The following SP4 variants were observed in gnomAD, a reference collection of about 807,000 sequenced individuals.
SP4 encodes the protein transcription factor Sp4.
A neutral mutation model predicts 72.8 loss-of-function variants in SP4; 19 were observed. The ratio of observed to expected loss-of-function variants is 0.26; its 90% CI spans 0.18 to 0.38. The LOEUF (loss-of-function observed/expected upper bound fraction) is 0.38. Ranked by LOEUF, SP4 falls within the 10% of genes least tolerant of loss-of-function variation. The pLI, the probability that SP4 is intolerant of heterozygous loss-of-function variation, is 1.00. For synonymous variants in SP4, 395 were observed against 333.1 expected (o/e 1.19, Z -2.02); for missense variants, 1,008 against 926.3 (o/e 1.09, Z -1.14).
intron 5 of SP4, among the ~76,000 whole-genome samples, chr7:21,507,246 C>T (rs966788951): frequency 1.8e-4 from 27 of 152,318 alleles, no homozygotes; most frequent in African/African-American, 6.3e-4. Flanking sequence ...AAGCCAGTCT[C>T]TCCCTGTCCC....
chr7:21,453,376 A>G (rs1783661162), intron 3 of SP4, among the ~76,000 whole-genome samples: 1 of 152,248 alleles, frequency 6.6e-6, no homozygotes, highest in Non-Finnish European at 1.5e-5. Context: ...GGTAACAATT[A>G]TCTGTGGATG....
At position 21,477,276 on chromosome 7, in the gene SP4, T is replaced by A. The variant is rs1784529542; in HGVS notation, c.1876T>A (p.Ser626Thr). 3.7e-6 allele frequency: 6 copies of A among 1,613,684 alleles called. No homozygotes were observed. Among genetic ancestry groups the A allele is most frequent in the African/African-American group, 1.3e-5 (1 of 74,944 alleles). Residue 626 changes from serine (S) to threonine (T), a missense_variant, in exon 4 of 6, where the codon TCC (serine) becomes ACC (threonine). Ser to Thr is a moderately conservative substitution (Grantham distance 58, BLOSUM62 1). Around this residue, in one of 3 missense-constraint regions of SP4, gnomAD observed 893 missense variants for 743.3 expected, o/e 1.20. Coordinates refer to ENST00000222584, the MANE Select transcript of SP4 (RefSeq NM_003112.5). ...CAAGAGGCTTCGAAGAGTTGCCTGT[T>A]CCTGTCCTAATTGTAGGGAAGGAGA... Reference protein sequence around the residue: ...PGKRLRRVACSCPNCREGEGR... With the variant: ...PGKRLRRVACTCPNCREGEGR...
intron 3 of SP4, among the ~76,000 whole-genome samples, chr7:21,449,604 G>A (rs959028911): frequency 5.3e-5 from 8 of 152,084 alleles, no homozygotes; most frequent in African/African-American, 1.9e-4. Context: ...TATGTATAAT[G>A]TATGTGTATA....
At chr7:21,452,991 G>A (rs2128399271) in intron 3 of SP4, among the ~76,000 whole-genome samples, 1 of 152,148 alleles carries the variant, frequency 6.6e-6, no homozygotes, top group South Asian at 2.1e-4. Flanking sequence ...CATTGGCCAG[G>A]CTGGTCTTGA....
At chr7:21,475,984 T>C (rs1165690552) in intron 3 of SP4, among the ~76,000 whole-genome samples, 2 of 152,100 alleles carry the variant, frequency 1.3e-5, no homozygotes, top group Non-Finnish European at 2.9e-5. Flanking sequence ...TTATAAGGCA[T>C]TGTAGGCCGG....
chr7:21,450,365 ATTTTAGGGGGC>A (rs1391340426), intron 3 of SP4, among the ~76,000 whole-genome samples: 1 of 152,088 alleles, frequency 6.6e-6, no homozygotes, highest in Non-Finnish European at 1.5e-5. Context: ...TGTTTTTTTA[ATTTTAGGGGGC>A]TTTTTTGGTG....
At chr7:21,500,820 C>A (rs1781844498) in intron 5 of SP4, among the ~76,000 whole-genome samples, 2 of 152,174 alleles carry the variant, frequency 1.3e-5, no homozygotes. Context: ...AATAATATCC[C>A]TATATTAAGC....
chr7:21,465,569 T>C (rs889038992), intron 3 of SP4, among the ~76,000 whole-genome samples: 1 of 152,190 alleles, frequency 6.6e-6, no homozygotes, highest in Non-Finnish European at 1.5e-5. Context: ...GTGCGAGTGA[T>C]TATTGTGTGG....
At chr7:21,478,687 A>G (rs1490900173) in intron 4 of SP4, among the ~76,000 whole-genome samples, 1 of 152,210 alleles carries the variant, frequency 6.6e-6, no homozygotes, top group East Asian at 1.9e-4. Context: ...TCTTTTGCCC[A>G]TTTTAAATTA....
intron 3 of SP4, among the ~76,000 whole-genome samples, chr7:21,442,734 T>G (rs1157759746): frequency 2.0e-5 from 3 of 152,112 alleles, no homozygotes; most frequent in South Asian, 2.1e-4. Context: ...TCAAGTAGTT[T>G]TTTGTTTTGT....
intron 4 of SP4, among the ~76,000 whole-genome samples, chr7:21,480,253 A>G (rs117616717): frequency 6.6e-6 from 1 of 152,270 alleles, no homozygotes; most frequent in East Asian, 1.9e-4. Flanking sequence ...GATTTTGGTA[A>G]TGATAATACT....
At position 21,428,208 on chromosome 7, in the gene SP4, C is replaced by G; in HGVS notation, c.-44C>G. The G allele has an allele frequency of 7.9e-7, 1 of 1,263,632 alleles. No homozygotes were observed. 78.3% of individuals were successfully genotyped at this position (1,263,632 alleles called of 1,614,324 possible). ...GCCTCGCCCCCACCCCCACCCACCTCTATCCCAGTGTCTCCGTCTGAGGGT... is the reference window on the plus strand; with the variant it reads ...GCCTCGCCCCCACCCCCACCCACCTGTATCCCAGTGTCTCCGTCTGAGGGT... On this transcript the variant is annotated 5_prime_UTR_variant, in exon 1 of 6. Transcript: ENST00000222584.
chr7:21,431,625 G>T (rs193101325), intron 3 of SP4, among the ~76,000 whole-genome samples: 1 of 152,300 alleles, frequency 6.6e-6, no homozygotes, highest in African/African-American at 2.4e-5. Context: ...AAAAGCAGTT[G>T]TTATTTGTTA....
chr7:21,439,919 G>A (rs935307147), intron 3 of SP4, among the ~76,000 whole-genome samples: 1 of 152,124 alleles, frequency 6.6e-6, no homozygotes, highest in Non-Finnish European at 1.5e-5. Context: ...ATGTCTCTCT[G>A]TATGTAAAAT....
chr7:21,429,613 C>A lies in SP4; in HGVS notation c.448C>A (p.Gln150Lys). 6.2e-7 allele frequency: 1 copy of A among 1,614,146 alleles called. No individual in the cohort carries two copies. Among genetic ancestry groups the A allele is most frequent in the Non-Finnish European group, 8.5e-7 (1 of 1,179,978 alleles). ...ATCAGGTAATTCTTCCACCCCTGGT[C>A]AATTTCAAGTCATACAAGTACAAAA... The part of the protein sequence containing the change: ...TKSGNSSTPG[Q>K]FQVIQVQNPS... The change falls in exon 3 of 6, where the codon CAA (glutamine) becomes AAA (lysine). Residue 150 changes from glutamine (Q) to lysine (K), a missense_variant. Physicochemically the swap from Gln to Lys is moderately conservative, Grantham distance 53. Coordinates refer to ENST00000222584, the MANE Select transcript of SP4 (RefSeq NM_003112.5).
At chr7:21,475,186 C>T (rs1334192605) in intron 3 of SP4, among the ~76,000 whole-genome samples, 1 of 151,688 alleles carries the variant, frequency 6.6e-6, no homozygotes, top group Admixed American at 6.6e-5. Context: ...ACAATTTCGG[C>T]TCACTGAAAC....
At chr7:21,473,308 G>A (rs1347538655) in intron 3 of SP4, among the ~76,000 whole-genome samples, 1 of 152,204 alleles carries the variant, frequency 6.6e-6, no homozygotes, top group Admixed American at 6.5e-5. Flanking sequence ...AAGGTTTTCA[G>A]TGTGGATAAC....
intron 5 of SP4, among the ~76,000 whole-genome samples, chr7:21,489,237 A>G (rs181246603): frequency 6.6e-6 from 1 of 152,368 alleles, no homozygotes; most frequent in East Asian, 1.9e-4. Flanking sequence ...TGGGAATGAA[A>G]CTTCAATTTT....
At chr7:21,466,311 G>T (rs572614188) in intron 3 of SP4, among the ~76,000 whole-genome samples, 1 of 152,168 alleles carries the variant, frequency 6.6e-6, no homozygotes, top group Non-Finnish European at 1.5e-5. Context: ...AGGACTTAAG[G>T]AAATGTGAAT....
Sources: gnomAD v4.1 joint callset for allele counts (sites outside exome capture counted in the v4.1 genomes callset) on GRCh38, gnomAD v4.1.1 for gene constraint, gnomAD v4.1.1 regional missense constraint, MANE v1.5 for transcripts, NCBI Gene and HGNC (gene_info 2026-07-23, HGNC 2026-07-21) for gene names.